Variants in FRMPD4 observed in about 807,000 individuals in gnomAD.
FRMPD4 encodes FERM and PDZ domain-containing protein 4.
FRMPD4 carries 22 observed loss-of-function variants against 94.1 expected under a neutral mutation model. The ratio of observed to expected loss-of-function variants is 0.23; its 90% CI spans 0.17 to 0.33. The LOEUF (loss-of-function observed/expected upper bound fraction) is 0.33, where lower values mean the gene tolerates loss of function less well. Ranked by LOEUF, FRMPD4 falls within the 10% of genes least tolerant of loss-of-function variation. The pLI is 1.00. For missense variants in FRMPD4, 1,111 were observed against 1,339.9 expected (o/e 0.83, Z 2.67); for synonymous variants, 631 against 548.6 (o/e 1.15, Z -2.10).
At chrX:12,521,181 T>C (rs1183169015) in intron 2 of FRMPD4, among the ~76,000 whole-genome samples, 2 of 112,483 alleles carry the variant, frequency 1.8e-5, no homozygotes, top group East Asian at 2.8e-4. Flanking sequence ...AGGTGGCTGA[T>C]AGGATTTGGC....
At chrX:12,419,271 T>C (rs2056851851) in intron 1 of FRMPD4, among the ~76,000 whole-genome samples, 1 of 111,546 alleles carries the variant, frequency 9.0e-6, no homozygotes, top group Non-Finnish European at 1.9e-5. Context: ...CAAAGCATCC[T>C]GTCTCCTATA....
At chrX:12,329,768 C>G (rs187093192) in intron 1 of FRMPD4, among the ~76,000 whole-genome samples, 4 of 105,223 alleles carry the variant, frequency 3.8e-5, no homozygotes, top group African/African-American at 1.4e-4. Flanking sequence ...GAATCTCTTT[C>G]GTTATAATCA....
chrX:12,014,250 C>G (rs183004272), intron 3 of FRMPD4, among the ~76,000 whole-genome samples: 326 of 111,837 alleles, frequency 2.9e-3, no homozygotes, highest in African/African-American at 9.8e-3. Context: ...AAAGTCTATC[C>G]TCTGGTCTCT....
chrX:12,313,762 G>C, intron 1 of FRMPD4, among the ~76,000 whole-genome samples: 1 of 111,237 alleles, frequency 9.0e-6, no homozygotes, highest in African/African-American at 3.3e-5. Flanking sequence ...TTGGGGGATG[G>C]ATAGTTTCAT....
chrX:11,917,123 A>C (rs776064939), intron 3 of FRMPD4, among the ~76,000 whole-genome samples: 14 of 112,578 alleles, frequency 1.2e-4, no homozygotes, highest in Non-Finnish European at 2.4e-4. Context: ...AAAGTGGCCA[A>C]TGAACATTTG....
In FRMPD4 at chrX:12,292,722, C is replaced by A. The variant is rs768425859; in HGVS notation, c.41+153710C>A. 2.5e-3 allele frequency among the ~76,000 whole-genome samples: 280 copies of A among 111,375 alleles called. 1 individual carries two copies. Among genetic ancestry groups the A allele is most frequent in the Non-Finnish European group, 4.4e-3 (232 of 53,014 alleles). The stretch of plus-strand genomic sequence containing the variant: ...AAACTGGTTATGCCAGTTTAAATGG[C>A]AACTTTTTCATATGCATTATTATAA... On this transcript the variant is annotated intron_variant, in intron 1 of 16. Coordinates refer to ENST00000675598, the MANE Select transcript of FRMPD4 (RefSeq NM_001368397.1).
intron 1 of FRMPD4, among the ~76,000 whole-genome samples, chrX:12,470,028 G>C (rs1265599469): frequency 8.9e-6 from 1 of 112,115 alleles, no homozygotes; most frequent in Non-Finnish European, 1.9e-5. Flanking sequence ...ATTAGGATCA[G>C]ATGAAATGAC....
intron 3 of FRMPD4, among the ~76,000 whole-genome samples, chrX:12,098,402 G>A (rs1285787616): frequency 8.9e-6 from 1 of 112,412 alleles, no homozygotes; most frequent in Non-Finnish European, 1.9e-5. Context: ...TAGTGCTTAA[G>A]ATTTGCAATG....
chrX:12,398,082 A>T (rs2056566312), intron 1 of FRMPD4, among the ~76,000 whole-genome samples: 1 of 110,891 alleles, frequency 9.0e-6, no homozygotes. Flanking sequence ...CTTTGATTTG[A>T]CCACTTTGCA....
intron 1 of FRMPD4, among the ~76,000 whole-genome samples, chrX:12,330,253 G>A (rs2055351386): frequency 1.8e-5 from 2 of 111,282 alleles, no homozygotes; most frequent in Non-Finnish European, 3.8e-5. Flanking sequence ...AATTAGGGAA[G>A]TAATGATTAA....
chrX:12,351,800 G>A (rs1006112425), intron 1 of FRMPD4, among the ~76,000 whole-genome samples: 1 of 112,717 alleles, frequency 8.9e-6, no homozygotes, highest in African/African-American at 3.2e-5. Flanking sequence ...GTGTTTGTGA[G>A]TTTCATCAAT....
At chrX:11,826,624 G>A (rs749565632) in intron 1 of FRMPD4, among the ~76,000 whole-genome samples, 1 of 111,876 alleles carries the variant, frequency 8.9e-6, no homozygotes, top group African/African-American at 3.3e-5. Flanking sequence ...AAAGACTTGA[G>A]TACTTTTTAA....
chrX:11,867,268 G>GA (rs2147302231), intron 2 of FRMPD4, among the ~76,000 whole-genome samples: 1 of 111,908 alleles, frequency 8.9e-6, no homozygotes, highest in African/African-American at 3.2e-5. Context: ...GCTTATAGTA[G>GA]AAGCAGAAAT....
intron 1 of FRMPD4, among the ~76,000 whole-genome samples, chrX:11,844,851 T>C (rs2147283019): frequency 8.9e-6 from 1 of 112,280 alleles, no homozygotes; most frequent in East Asian, 2.8e-4. Context: ...ACATTTGATG[T>C]TGTCCCACAA....
At chrX:12,098,470 C>T (rs1401497702) in intron 3 of FRMPD4, among the ~76,000 whole-genome samples, 1 of 111,916 alleles carries the variant, frequency 8.9e-6, no homozygotes, top group Non-Finnish European at 1.9e-5. Flanking sequence ...CTATGAGTGG[C>T]CTCGTGGTCA....
At chrX:11,881,009 C>G (rs1487095512) in intron 3 of FRMPD4, among the ~76,000 whole-genome samples, 1 of 112,200 alleles carries the variant, frequency 8.9e-6, no homozygotes, top group Admixed American at 9.4e-5. Context: ...TTCAGTTCAA[C>G]AAATATTTAC....
chrX:11,961,354 C>G (rs1205506286), intron 3 of FRMPD4, among the ~76,000 whole-genome samples: 1 of 112,155 alleles, frequency 8.9e-6, no homozygotes, highest in Non-Finnish European at 1.9e-5. Flanking sequence ...ATTGTACTGC[C>G]AGAGTGCTCT....
chrX:12,560,669 A>G (rs1441931053), intron 2 of FRMPD4, among the ~76,000 whole-genome samples: 1 of 103,230 alleles, frequency 9.7e-6, no homozygotes, highest in Non-Finnish European at 1.9e-5. Flanking sequence ...GACAATTGGC[A>G]TGTGTATATT....
chrX:12,553,149 A>G (rs2058554388), intron 2 of FRMPD4, among the ~76,000 whole-genome samples: 1 of 104,481 alleles, frequency 9.6e-6, no homozygotes. Context: ...ACAGAGTGAG[A>G]CCTTGGAAAG....
Sources: allele counts gnomAD v4.1 joint callset (sites outside exome capture counted in the v4.1 genomes callset), GRCh38; gene constraint gnomAD v4.1.1; transcripts MANE v1.5; gene names NCBI Gene and HGNC (gene_info 2026-07-23, HGNC 2026-07-21).